RBFOX1: variants seen among roughly 807,000 people sequenced by gnomAD.
The protein encoded by RBFOX1 is RNA binding protein fox-1 homolog 1.
RBFOX1 carries 8 observed loss-of-function variants against 57.7 expected under a neutral mutation model. That is an observed-to-expected ratio of 0.14 (90% CI 0.08 to 0.25). The LOEUF (loss-of-function observed/expected upper bound fraction) is 0.25. Among genes scored for constraint, RBFOX1 ranks in the 10% least tolerant of loss-of-function variants. RBFOX1 has a pLI of 1.00. For missense variants in RBFOX1, 611 were observed against 548.5 expected, an observed-to-expected ratio of 1.11 and a Z score of -1.14; for synonymous variants, 326 against 222.4, an observed-to-expected ratio of 1.47 and a Z score of -4.15.
chr16:6,664,823 T>G lies in RBFOX1; in HGVS notation c.-16+10173T>G, dbSNP rs1004829259. On this transcript the variant is annotated intron_variant, in intron 3 of 15. Coordinates refer to ENST00000550418, the MANE Select transcript of RBFOX1 (RefSeq NM_018723.4). ...TTTCAAAAGGCAAGGTAGTACAGTTTTGCAGTCAAACGGATCTGGAGTTGA... is the reference window on the plus strand; with the variant it reads ...TTTCAAAAGGCAAGGTAGTACAGTTGTGCAGTCAAACGGATCTGGAGTTGA... 8.5e-5 allele frequency among the ~76,000 whole-genome samples: 13 copies of G among 152,338 alleles called. 1 individual carries two copies. Among genetic ancestry groups the G allele is most frequent in the African/African-American group, 2.9e-4 (12 of 41,588 alleles).
At chr16:6,007,319 C>A (rs971281012) in intron 4 of RBFOX1, among the ~76,000 whole-genome samples, 1 of 152,222 alleles carries the variant, frequency 6.6e-6, no homozygotes, top group Non-Finnish European at 1.5e-5. Flanking sequence ...CCAGCTACCA[C>A]ATCCTGAGCT....
At chr16:6,512,299 A>AAAAAAAAAAAAAAAAAAAAAAT in intron 2 of RBFOX1, among the ~76,000 whole-genome samples, 1 of 145,932 alleles carries the variant, frequency 6.9e-6, no homozygotes, top group East Asian at 2.0e-4. Flanking sequence ...AAAAAAAAAA[A>AAAAAAAAAAAAAAAAAAAAAAT]GGTAAGAGAA....
chr16:7,215,749 G>A (rs1327273620), intron 4 of RBFOX1, among the ~76,000 whole-genome samples: 2 of 138,376 alleles, frequency 1.4e-5, no homozygotes, highest in East Asian at 2.2e-4. Flanking sequence ...TTTTGAGACG[G>A]AGTCTTGCTC....
chr16:7,013,865 C>T (rs868487233), intron 3 of RBFOX1, among the ~76,000 whole-genome samples: 3 of 152,048 alleles, frequency 2.0e-5, no homozygotes, highest in African/African-American at 7.2e-5. Context: ...ACCATGTTAC[C>T]CAGGTCATTC....
intron 3 of RBFOX1, among the ~76,000 whole-genome samples, chr16:7,047,367 C>A (rs1391086212): frequency 6.6e-6 from 1 of 152,010 alleles, no homozygotes; most frequent in Non-Finnish European, 1.5e-5. Flanking sequence ...GTGTTATTTT[C>A]TGCTGACCTC....
At chr16:7,161,755 C>G (rs1054374641) in intron 4 of RBFOX1, among the ~76,000 whole-genome samples, 1 of 152,172 alleles carries the variant, frequency 6.6e-6, no homozygotes, top group Admixed American at 6.5e-5. Context: ...TAGAATCTTG[C>G]AAGAATACAA....
intron 3 of RBFOX1, among the ~76,000 whole-genome samples, chr16:6,740,454 C>T (rs2071714205): frequency 6.6e-6 from 1 of 152,070 alleles, no homozygotes; most frequent in Admixed American, 6.5e-5. Context: ...ATAAAACTAT[C>T]CTTATTAGTG....
chr16:7,201,417 G>T (rs995688139), intron 4 of RBFOX1, among the ~76,000 whole-genome samples: 6 of 151,112 alleles, frequency 4.0e-5, no homozygotes, highest in East Asian at 1.9e-4. Context: ...GAGGTCCTTA[G>T]TTTGATCTAG....
intron 2 of RBFOX1, among the ~76,000 whole-genome samples, chr16:6,504,023 G>A (rs2096017420): frequency 6.6e-6 from 1 of 152,100 alleles, no homozygotes; most frequent in Admixed American, 6.6e-5. Context: ...TTATACGTAT[G>A]CATCTTTCTT....
intron 2 of RBFOX1, among the ~76,000 whole-genome samples, chr16:6,532,321 C>T (rs2096669560): frequency 6.6e-6 from 1 of 152,140 alleles, no homozygotes; most frequent in Non-Finnish European, 1.5e-5. Context: ...AGCAAGTGAT[C>T]TCCATTCCCT....
chr16:6,397,719 T>C (rs1449753454), intron 2 of RBFOX1, among the ~76,000 whole-genome samples: 2 of 152,218 alleles, frequency 1.3e-5, no homozygotes, highest in African/African-American at 2.4e-5. Context: ...TTGTAACATA[T>C]GCAGACACAA....
intron 3 of RBFOX1, among the ~76,000 whole-genome samples, chr16:6,729,956 A>T (rs2068123304): frequency 6.6e-6 from 1 of 152,104 alleles, no homozygotes; most frequent in African/African-American, 2.4e-5. Flanking sequence ...GCTGATCAAA[A>T]ACTCAGATCC....
At chr16:6,910,317 A>C (rs1032236544) in intron 3 of RBFOX1, among the ~76,000 whole-genome samples, 1 of 151,902 alleles carries the variant, frequency 6.6e-6, no homozygotes, top group Non-Finnish European at 1.5e-5. Flanking sequence ...TTTTAGGGGC[A>C]AAGAAAGTGA....
intron 4 of RBFOX1, among the ~76,000 whole-genome samples, chr16:7,439,900 G>T (rs1194344799): frequency 6.6e-6 from 1 of 151,146 alleles, no homozygotes; most frequent in East Asian, 1.9e-4. Flanking sequence ...TGTATTAGCA[G>T]TCAAGGCTCC....
intron 4 of RBFOX1, among the ~76,000 whole-genome samples, chr16:5,908,286 A>ATG (rs1319284806): frequency 7.0e-6 from 1 of 142,428 alleles, no homozygotes; most frequent in Non-Finnish European, 1.5e-5. Flanking sequence ...ATACATATAT[A>ATG]TACACATATA....
chr16:7,520,726 T>C (rs1245081641), intron 5 of RBFOX1, among the ~76,000 whole-genome samples: 1 of 152,248 alleles, frequency 6.6e-6, no homozygotes, highest in Non-Finnish European at 1.5e-5. Context: ...TTGCGCTGAC[T>C]ACCAGGTAGT....
At chr16:7,514,436 TG>T (rs1488344909) in intron 4 of RBFOX1, among the ~76,000 whole-genome samples, 3 of 152,128 alleles carry the variant, frequency 2.0e-5, no homozygotes, top group African/African-American at 7.2e-5. Flanking sequence ...TGTTGGACCA[TG>T]GAGATGGGAC....
At chr16:7,231,646 A>G (rs986344709) in intron 4 of RBFOX1, among the ~76,000 whole-genome samples, 2 of 152,220 alleles carry the variant, frequency 1.3e-5, no homozygotes, top group East Asian at 1.9e-4. Context: ...CCAAATGCCT[A>G]TCAATAAATT....
chr16:5,512,109 T>C (rs137945822), intron 2 of RBFOX1, among the ~76,000 whole-genome samples: 83 of 152,332 alleles, frequency 5.4e-4, no homozygotes, highest in African/African-American at 1.8e-3. Flanking sequence ...GAGGGTACTT[T>C]GGCAAAGTGG....
Sources: gnomAD v4.1 joint callset for allele counts (sites outside exome capture counted in the v4.1 genomes callset) on GRCh38, gnomAD v4.1.1 for gene constraint, MANE v1.5 for transcripts, NCBI Gene and HGNC (gene_info 2026-07-23, HGNC 2026-07-21) for gene names.